The following MCTP2 variants were observed in gnomAD, a reference collection of about 807,000 sequenced individuals.
MCTP2 encodes the protein multiple C2 and transmembrane domain-containing protein 2.
MCTP2 carries 132 observed loss-of-function variants against 111.6 expected under a neutral mutation model. The ratio of observed to expected loss-of-function variants is 1.18; its 90% confidence interval spans 1.03 to 1.37. The LOEUF (loss-of-function observed/expected upper bound fraction) is 1.37. MCTP2 is among the 40% of genes most tolerant of loss of function. MCTP2 has a pLI of 0.00. For synonymous variants in MCTP2, 395 were observed against 387.7 expected (o/e 1.02, Z -0.22); for missense variants, 1,183 against 1,067.9 (o/e 1.11, Z -1.50).
chr15:94,392,675 G>A (rs1338319915), intron 14 of MCTP2, among the ~76,000 whole-genome samples: 2 of 151,780 alleles, frequency 1.3e-5, no homozygotes, highest in African/African-American at 4.8e-5. Context: ...AATTAGCTGG[G>A]CATGGTGGCA....
chr15:94,409,711 C>A (rs966139274), intron 17 of MCTP2, among the ~76,000 whole-genome samples: 1 of 151,916 alleles, frequency 6.6e-6, no homozygotes, highest in Non-Finnish European at 1.5e-5. Context: ...CTCCCTCTTT[C>A]CTCCTCTCTC....
intron 14 of MCTP2, among the ~76,000 whole-genome samples, chr15:94,390,633 A>G (rs1315908797): frequency 6.6e-6 from 1 of 152,182 alleles, no homozygotes; most frequent in Non-Finnish European, 1.5e-5. Flanking sequence ...GGTAATCTGT[A>G]AAACAGGAAA....
chr15:94,386,584 C>G (rs1223910856), intron 14 of MCTP2, among the ~76,000 whole-genome samples: 1 of 152,216 alleles, frequency 6.6e-6, no homozygotes, highest in Non-Finnish European at 1.5e-5. Context: ...ATGCTCTGAG[C>G]CATCGGCACC....
chr15:94,472,400 C>G (rs561751495), intron 21 of MCTP2, among the ~76,000 whole-genome samples: 73 of 152,138 alleles, frequency 4.8e-4, no homozygotes, highest in Non-Finnish European at 7.9e-4. Context: ...AACAAAAAAA[C>G]GAAAAAGACA....
At chr15:94,246,484 C>T (rs1007599693) in intron 1 of MCTP2, among the ~76,000 whole-genome samples, 2 of 152,122 alleles carry the variant, frequency 1.3e-5, no homozygotes, top group Admixed American at 6.6e-5. Flanking sequence ...GTGGCTGATG[C>T]TCTTGTTGTT....
At chr15:94,259,993 C>T (rs2073083112) in intron 1 of MCTP2, among the ~76,000 whole-genome samples, 2 of 152,184 alleles carry the variant, frequency 1.3e-5, no homozygotes, top group South Asian at 4.1e-4. Context: ...ACCTTCTGAT[C>T]TCTGCCCTGT....
At chr15:94,369,398 A>G (rs2079366717) in intron 11 of MCTP2, among the ~76,000 whole-genome samples, 1 of 152,198 alleles carries the variant, frequency 6.6e-6, no homozygotes. Context: ...AAGAGAGTTT[A>G]TCTGCCGGCC....
chr15:94,303,070 ATATAGTT>A (rs1256054311), intron 2 of MCTP2, among the ~76,000 whole-genome samples: 2 of 143,946 alleles, frequency 1.4e-5, no homozygotes, highest in African/African-American at 5.2e-5. Flanking sequence ...GAATATATAT[ATATAGTT>A]TATATATATA....
intron 21 of MCTP2, among the ~76,000 whole-genome samples, chr15:94,474,917 TG>T (rs2074232154): frequency 1.3e-5 from 2 of 152,232 alleles, no homozygotes; most frequent in African/African-American, 4.8e-5. Flanking sequence ...TTGCCCTCAT[TG>T]GTGCATTTGA....
At chr15:94,449,247 T>G (rs1263675944) in intron 19 of MCTP2, among the ~76,000 whole-genome samples, 1 of 152,228 alleles carries the variant, frequency 6.6e-6, no homozygotes, top group African/African-American at 2.4e-5. Flanking sequence ...ATGAAAATAT[T>G]AATATTTTAA....
intron 14 of MCTP2, among the ~76,000 whole-genome samples, chr15:94,394,429 T>C (rs1020309074): frequency 6.6e-6 from 1 of 152,144 alleles, no homozygotes; most frequent in Non-Finnish European, 1.5e-5. Flanking sequence ...CAAATACGAA[T>C]ATGCCTTAAA....
At chr15:94,332,898 T>G (rs1341060894) in intron 4 of MCTP2, among the ~76,000 whole-genome samples, 1 of 152,188 alleles carries the variant, frequency 6.6e-6, no homozygotes, top group Non-Finnish European at 1.5e-5. Context: ...TGCACAGACA[T>G]ACACATAAAG....
chr15:94,283,073 G>A (rs2074570534), intron 1 of MCTP2, among the ~76,000 whole-genome samples: 1 of 152,162 alleles, frequency 6.6e-6, no homozygotes. Flanking sequence ...GAAGAAGGCT[G>A]TGGGTGGGTG....
chr15:94,390,066 A>ATCTATATG, intron 14 of MCTP2, among the ~76,000 whole-genome samples: 1 of 12,040 alleles, frequency 8.3e-5, no homozygotes, highest in South Asian at 3.1e-3. Flanking sequence ...ATATATATAT[A>ATCTATATG]TATATATATA....
At chr15:94,471,068 CTTGAT>C (rs540025100) in intron 21 of MCTP2, among the ~76,000 whole-genome samples, 4 of 152,264 alleles carry the variant, frequency 2.6e-5, no homozygotes, top group African/African-American at 7.2e-5. Context: ...AATGTCATGA[CTTGAT>C]TTAATACTCA....
chr15:94,325,170 G>A (rs1219441182), intron 4 of MCTP2, among the ~76,000 whole-genome samples: 1 of 152,170 alleles, frequency 6.6e-6, no homozygotes, highest in Admixed American at 6.5e-5. Flanking sequence ...GACCACCGGA[G>A]TTTGGATTCT....
intron 21 of MCTP2, among the ~76,000 whole-genome samples, chr15:94,470,754 T>C (rs2073856913): frequency 6.7e-6 from 1 of 149,796 alleles, no homozygotes; most frequent in Admixed American, 6.8e-5. Context: ...CGGGTAACTT[T>C]AAGGAAACAC....
chr15:94,464,238 TA>T (rs1376494526), intron 20 of MCTP2, among the ~76,000 whole-genome samples: 17 of 55,964 alleles, frequency 3.0e-4, no homozygotes, highest in East Asian at 2.0e-3. Flanking sequence ...TTTATATATA[TA>T]ATATATATAT....
Position 94,298,341 on chromosome 15 carries a change from A to G in MCTP2, c.76A>G (p.Lys26Glu), listed in dbSNP as rs770228133. The G allele has an allele frequency of 1.9e-6, 3 of 1,614,154 alleles. No individual in the cohort carries two copies. Among genetic ancestry groups the G allele is most frequent in the South Asian group, 2.2e-5 (2 of 91,074 alleles). The change falls in exon 2 of 23, where the codon AAG becomes GAG. Residue 26 changes from lysine to glutamate, a missense_variant. Lys to Glu is a moderately conservative substitution (Grantham distance 56, BLOSUM62 1). Coordinates refer to ENST00000357742, the MANE Select transcript of MCTP2 (RefSeq NM_001385001.1). ...TRPLLINLSK[K>E]KVKKNPSKPP... ...GCCATTGTTGATCAACTTGAGCAAG[A>G]AGAAGGTGAAAAAGAACCCAAGTAA...
Sources: allele counts gnomAD v4.1 joint callset (sites outside exome capture counted in the v4.1 genomes callset), GRCh38; gene constraint gnomAD v4.1.1; transcripts MANE v1.5; gene names NCBI Gene and HGNC (gene_info 2026-07-23, HGNC 2026-07-21).